ST3GAL1: variants seen among roughly 807,000 people sequenced by gnomAD.
ST3GAL1 encodes the protein ST3 beta-galactoside alpha-2,3-sialyltransferase 1, also known as CMP-N-acetylneuraminate-beta-galactosamide-alpha-2,3-sialyltransferase 1.
A neutral mutation model predicts 34.1 loss-of-function variants in ST3GAL1; 16 were observed. That is an observed-to-expected ratio of 0.47 (90% CI 0.32 to 0.71). ST3GAL1 has a LOEUF of 0.71. Ranked by LOEUF, ST3GAL1 falls within the 30% of genes least tolerant of loss-of-function variation. The pLI is 0.04. For missense variants in ST3GAL1, 353 were observed against 447.4 expected (o/e 0.79, Z 1.90); for synonymous variants, 191 against 184.7 (o/e 1.03, Z -0.28).
At chr8:133,513,022 G>A (rs1486789941) in intron 2 of ST3GAL1, among the ~76,000 whole-genome samples, 1 of 152,124 alleles carries the variant, frequency 6.6e-6, no homozygotes, top group Non-Finnish European at 1.5e-5. Context: ...TCTCACCTGG[G>A]GTCTCACTGG....
At chr8:133,538,683 A>G (rs1818378408) in intron 2 of ST3GAL1, among the ~76,000 whole-genome samples, 1 of 152,232 alleles carries the variant, frequency 6.6e-6, no homozygotes, top group African/African-American at 2.4e-5. Flanking sequence ...CACACCAAAA[A>G]TTAGAGCATT....
chr8:133,555,412 C>T (rs1178698207), intron 1 of ST3GAL1, among the ~76,000 whole-genome samples: 3 of 152,174 alleles, frequency 2.0e-5, no homozygotes, highest in African/African-American at 7.2e-5. Flanking sequence ...AATCTGTTCT[C>T]AAACCCCAGA....
intron 1 of ST3GAL1, among the ~76,000 whole-genome samples, chr8:133,553,393 T>C (rs915499327): frequency 6.6e-6 from 1 of 152,138 alleles, no homozygotes; most frequent in Non-Finnish European, 1.5e-5. Flanking sequence ...TCATCTGTAA[T>C]GTGGAAATGC....
rs1305594931 is a variant in ST3GAL1, at chr8:133,457,626, GGTTT to G, written c.*2134_*2137del. ...GATTTTAAAGCTGAAACAGGTTTTC[GGTTT>G]GTTTAACACATTCCCCATTCTGAAC... On this transcript the variant is annotated 3_prime_UTR_variant, in exon 10 of 10. Coordinates refer to ENST00000522652, the MANE Select transcript of ST3GAL1 (RefSeq NM_173344.3). The G allele has an allele frequency of 6.6e-6, 1 of 152,296 alleles. No homozygotes were observed. The highest frequency in any genetic ancestry group is 1.5e-5 in the Non-Finnish European group (1 of 68,020). 9.4% of individuals were successfully genotyped at this position (152,296 alleles called of 1,614,324 possible). A position where few individuals can be genotyped will look rare whatever the true frequency, so the allele number is the denominator to read the frequency against.
intron 1 of ST3GAL1, among the ~76,000 whole-genome samples, chr8:133,552,332 C>G (rs914442935): frequency 2.6e-5 from 4 of 152,092 alleles, no homozygotes; most frequent in Admixed American, 2.6e-4. Flanking sequence ...ACAAGTTGCC[C>G]CGGAAGTAGG....
chr8:133,465,644 C>G, intron 6 of ST3GAL1: 1 of 398,396 alleles, frequency 2.5e-6, no homozygotes, highest in Non-Finnish European at 4.4e-6. Flanking sequence ...AAGCTCCCAA[C>G]AACGGGGGAC....
At chr8:133,506,940 T>C (rs568769161) in intron 2 of ST3GAL1, among the ~76,000 whole-genome samples, 90 of 118,048 alleles carry the variant, frequency 7.6e-4, no homozygotes, top group African/African-American at 3.2e-3. Flanking sequence ...AATAAATATA[T>C]AAATAAATAA....
Position 133,508,609 on chromosome 8 carries a change from C to CG in ST3GAL1, c.-428-9421dup, listed in dbSNP as rs1487557778. On this transcript the variant is annotated intron_variant, in intron 2 of 9. Transcript: ENST00000522652. The surrounding 1 kb of genome is among the most constrained non-coding windows in gnomAD (Gnocchi z 4.1). ...GAGACAATCTCAGAAGCAGGGCACT[C>CG]GCTCAAATTCAGAGACCTTTCTCAA... Among the ~76,000 whole-genome samples the CG allele has an allele frequency of 1.3e-5, 2 of 152,204 alleles. No homozygotes were observed. Among genetic ancestry groups the CG allele is most frequent in the Non-Finnish European group, 2.9e-5 (2 of 68,004 alleles).
chr8:133,458,177 G>A lies in ST3GAL1; in HGVS notation c.*1587C>T, dbSNP rs562849740. 6.5e-4 allele frequency: 99 copies of A among 152,226 alleles called. No homozygotes were observed. The highest frequency in any genetic ancestry group is 2.2e-3 in the African/African-American group (92 of 41,526). The allele number at this position is 152,226 out of a possible 1,614,324, so 9.4% of individuals were successfully genotyped here. A position where few individuals can be genotyped will look rare whatever the true frequency, so the allele number is the denominator to read the frequency against. The stretch of plus-strand genomic sequence containing the variant: ...GCCCTAGATACCCCCAATATCCCAC[G>A]TCCGAGGACTCCTACAAACCTCCCT... On this transcript the variant is annotated 3_prime_UTR_variant, in exon 10 of 10. Coordinates refer to ENST00000522652, the MANE Select transcript of ST3GAL1 (RefSeq NM_173344.3).
At chr8:133,531,326 T>G (rs1235347620) in intron 2 of ST3GAL1, among the ~76,000 whole-genome samples, 1 of 152,184 alleles carries the variant, frequency 6.6e-6, no homozygotes, top group Non-Finnish European at 1.5e-5. Context: ...TGTATGTATA[T>G]AGTATGTATG....
chr8:133,556,743 G>A lies in ST3GAL1; in HGVS notation c.-581-10817C>T, dbSNP rs1423450823. 6.6e-6 allele frequency among the ~76,000 whole-genome samples: 1 copy of A among 152,202 alleles called. No individual in the cohort carries two copies. Among genetic ancestry groups the A allele is most frequent in the Non-Finnish European group, 1.5e-5 (1 of 68,048 alleles). On this transcript the variant is annotated intron_variant, in intron 1 of 9. Transcript: ENST00000522652. The surrounding 1 kb of genome is among the most constrained non-coding windows in gnomAD (Gnocchi z 8.9). Reference sequence around the variant, plus strand: ...ACACGGCTGACATCATATAAAGTCTGTCCCTGGCAAATGTGACCCAGAATG... The same window carrying A: ...ACACGGCTGACATCATATAAAGTCTATCCCTGGCAAATGTGACCCAGAATG...
At chr8:133,494,229 A>T (rs1816874522) in intron 3 of ST3GAL1, among the ~76,000 whole-genome samples, 1 of 152,190 alleles carries the variant, frequency 6.6e-6, no homozygotes, top group Non-Finnish European at 1.5e-5. Flanking sequence ...TGCAGGTAAG[A>T]CATGCAGGCT....
chr8:133,529,917 TC>T (rs1288394326), intron 2 of ST3GAL1, among the ~76,000 whole-genome samples: 1 of 152,080 alleles, frequency 6.6e-6, no homozygotes, highest in Non-Finnish European at 1.5e-5. Flanking sequence ...CTGCCAGCAC[TC>T]CCCAGCCCCC....
intron 3 of ST3GAL1, among the ~76,000 whole-genome samples, chr8:133,498,776 C>T (rs981101610): frequency 4.6e-5 from 7 of 152,168 alleles, no homozygotes; most frequent in Admixed American, 1.3e-4. Flanking sequence ...GCTGTGGGGT[C>T]CCAGGGGTCT....
chr8:133,506,193 T>C (rs1817331215), intron 2 of ST3GAL1, among the ~76,000 whole-genome samples: 1 of 152,138 alleles, frequency 6.6e-6, no homozygotes, highest in Non-Finnish European at 1.5e-5. Context: ...CTGACTTGCA[T>C]TAACCCTTGT....
rs781295584 is a variant in ST3GAL1 at position 133,464,775 on chromosome 8, C to T, written c.683+3G>A. 3 of 1,610,552 alleles carry T rather than the reference C, an allele frequency of 1.9e-6. No homozygotes were observed. Among genetic ancestry groups the T allele is most frequent in the Middle Eastern group, 3.3e-4 (2 of 6,030 alleles). On this transcript the variant is annotated splice_donor_region_variant and intron_variant, in intron 7 of 9. Transcript: ENST00000522652. The stretch of plus-strand genomic sequence containing the variant: ...GCGAGGCGGGGCCACAGGAGGGACT[C>T]ACTGGGAAATGGTGCCCGTGGTGAT...
At chr8:133,463,831 G>A (rs565100880) in intron 7 of ST3GAL1, among the ~76,000 whole-genome samples, 9 of 152,280 alleles carry the variant, frequency 5.9e-5, no homozygotes, top group Admixed American at 1.3e-4. Flanking sequence ...TGAGGCCCGC[G>A]GCTGCCCCTT....
intron 1 of ST3GAL1, among the ~76,000 whole-genome samples, chr8:133,559,980 G>C (rs1819169090): frequency 6.6e-6 from 1 of 152,214 alleles, no homozygotes; most frequent in Non-Finnish European, 1.5e-5. Context: ...GCCATGCAGG[G>C]ACGGATGTGG....
chr8:133,484,779 C>T (rs141332886), intron 3 of ST3GAL1, among the ~76,000 whole-genome samples: 3 of 152,276 alleles, frequency 2.0e-5, no homozygotes, highest in African/African-American at 7.2e-5. Context: ...CCCACCCCGC[C>T]CCAGGATTCC....
Sources: allele counts gnomAD v4.1 joint callset (sites outside exome capture counted in the v4.1 genomes callset), GRCh38; gene constraint gnomAD v4.1.1; non-coding constraint Gnocchi (gnomAD v3.1); transcripts MANE v1.5; gene names NCBI Gene and HGNC (gene_info 2026-07-23, HGNC 2026-07-21).